DISP2: variants seen among roughly 807,000 people sequenced by gnomAD.
The protein encoded by DISP2 is dispatched RND transporter family member 2.
In DISP2, 59 loss-of-function variants were observed where a neutral mutation model predicts 95.5. The observed-to-expected ratio is 0.62, with a 90% CI of 0.50 to 0.77. The LOEUF is 0.77. DISP2 is among the 30% of genes least tolerant of loss of function. The pLI, the probability that DISP2 is intolerant of heterozygous loss-of-function variation, is 0.00. For synonymous variants in DISP2, 827 were observed against 815.0 expected (o/e 1.01, Z -0.25); for missense variants, 1,752 against 1,854.6 (o/e 0.94, Z 1.02).
At position 40,365,725 on chromosome 15, in the gene DISP2, G is replaced by A. The variant is rs1001526177; in HGVS notation, c.945G>A (p.Gln315=). The A allele has an allele frequency of 6.2e-7, 1 of 1,613,884 alleles. No homozygotes were observed. Among genetic ancestry groups the A allele is most frequent in the Non-Finnish European group, 8.5e-7 (1 of 1,180,004 alleles). The stretch of plus-strand genomic sequence containing the variant: ...CCATGTGTCGCATGGAACAGGACCA[G>A]GTGAGCTGGTGGGGGAGGTGCCAGG... ...IHSMCRMEQD[Q]IRSHTSFGAL... Residue 315 remains glutamine (Q), a splice_region_variant and synonymous_variant, in exon 7 of 8, where the codon CAG becomes CAA. Transcript: ENST00000267889.
intron 1 of DISP2, among the ~76,000 whole-genome samples, chr15:40,359,624 C>T (rs1268818506): frequency 6.6e-6 from 1 of 152,230 alleles, no homozygotes; most frequent in Non-Finnish European, 1.5e-5. Flanking sequence ...AGATATCTTG[C>T]CAAGGATCAG....
At chr15:40,362,452 C>G (rs1428335947) in intron 1 of DISP2, among the ~76,000 whole-genome samples, 1 of 152,250 alleles carries the variant, frequency 6.6e-6, no homozygotes, top group Non-Finnish European at 1.5e-5. Flanking sequence ...GCCTAGCACT[C>G]ATTCAACAAA....
At position 40,369,374 on chromosome 15, in the gene DISP2, C is replaced by G. The variant is rs1342848614; in HGVS notation, c.3262C>G (p.Leu1088Val). The G allele has an allele frequency of 6.2e-7, 1 of 1,613,486 alleles. No individual in the cohort carries two copies. Among genetic ancestry groups the G allele is most frequent in the East Asian group, 2.2e-5 (1 of 44,902 alleles). Residue 1088 changes from leucine (L) to valine (V), a missense_variant, in exon 8 of 8, where the codon CTG becomes GTG. By Grantham distance (32) the Leu-to-Val change is conservative (BLOSUM62 1). Coordinates refer to ENST00000267889, the MANE Select transcript of DISP2 (RefSeq NM_033510.3). ...LPATVLLYRK[L>V]GIILMMVKCV... Reference sequence around the variant, plus strand: ...TGCCACAGTGCTGCTCTATCGCAAGCTGGGCATCATCCTCATGATGGTCAA... The same window carrying G: ...TGCCACAGTGCTGCTCTATCGCAAGGTGGGCATCATCCTCATGATGGTCAA...
In DISP2 at chr15:40,373,067, A is replaced by C. The variant is rs906641164; in HGVS notation, c.*2749A>C. On this transcript the variant is annotated 3_prime_UTR_variant, in exon 8 of 8. Transcript: ENST00000267889. ...CCAACAGCAGGCAATCCACATCAGCAGGAAATCCAGCCTGCCTCTCTAGCC... is the reference window on the plus strand; with the variant it reads ...CCAACAGCAGGCAATCCACATCAGCCGGAAATCCAGCCTGCCTCTCTAGCC... The C allele has an allele frequency of 5.9e-5, 9 of 152,246 alleles. No individual in the cohort carries two copies. Among genetic ancestry groups the C allele is most frequent in the Admixed American group, 1.3e-4 (2 of 15,282 alleles). The allele number at this position is 152,246 out of a possible 1,614,324, so 9.4% of individuals were successfully genotyped here. A position where few individuals can be genotyped will look rare whatever the true frequency, so the allele number is the denominator to read the frequency against.
chr15:40,375,979 CA>C lies in DISP2; in HGVS notation c.*5662del, dbSNP rs1889727351. 6.6e-6 allele frequency: 1 copy of C among 152,136 alleles called. No individual in the cohort carries two copies. Among genetic ancestry groups the C allele is most frequent in the Admixed American group, 6.5e-5 (1 of 15,276 alleles). The allele number at this position is 152,136 out of a possible 1,614,324, so 9.4% of individuals were successfully genotyped here. On this transcript the variant is annotated 3_prime_UTR_variant, in exon 8 of 8. Transcript: ENST00000267889. ...CGCTGTAAAAAACAAATAAAAGGGC[CA>C]CTTGAGAATGCTCTGCTTGAGGAAG...
intron 7 of DISP2, among the ~76,000 whole-genome samples, chr15:40,366,370 T>C (rs1460075458): frequency 2.0e-5 from 3 of 152,226 alleles, no homozygotes; most frequent in Non-Finnish European, 2.9e-5. Context: ...AGGGATGTTG[T>C]GACAGTTAAA....
In DISP2 at chr15:40,363,537, C is replaced by T. The variant is rs1595724978; in HGVS notation, c.120-88C>T. On this transcript the variant is annotated intron_variant, in intron 1 of 7. Coordinates refer to ENST00000267889, the MANE Select transcript of DISP2 (RefSeq NM_033510.3). ...CAACCCTGAGTCCCTGTCCCCTTGT[C>T]TTGTCTTACTGAACTGAATAATGCT... The T allele has an allele frequency of 3.8e-5, 38 of 990,394 alleles. 1 individual carries two copies. In the South Asian group the frequency reaches 7.0e-4, roughly 18 times the overall value. The allele number at this position is 990,394 out of a possible 1,614,324, so 61.4% of individuals were successfully genotyped here.
At chr15:40,363,236 C>T (rs1251728911) in intron 1 of DISP2, among the ~76,000 whole-genome samples, 2 of 149,840 alleles carry the variant, frequency 1.3e-5, no homozygotes, top group African/African-American at 2.5e-5. Context: ...GGCTTGAACC[C>T]GGGAGGCGGA....
At chr15:40,364,148 C>T in intron 2 of DISP2, 78 bp from the exon 3 acceptor site, 1 of 1,602,054 alleles carries the variant, frequency 6.2e-7, no homozygotes, top group Non-Finnish European at 8.5e-7. Flanking sequence ...CTACCCACTC[C>T]CACCCCACCT....
chr15:40,371,298 G>T lies in DISP2; in HGVS notation c.*980G>T, dbSNP rs1474165325. On this transcript the variant is annotated 3_prime_UTR_variant, in exon 8 of 8. Transcript: ENST00000267889. Reference sequence around the variant, plus strand: ...ACCCTCCTCCAATCTGCTTTCTCTGGTGTCTCTGACTGAATCCAGCCACCC... The same window carrying T: ...ACCCTCCTCCAATCTGCTTTCTCTGTTGTCTCTGACTGAATCCAGCCACCC... 1 of 152,108 alleles carries T rather than the reference G, an allele frequency of 6.6e-6. No homozygotes were observed. The highest frequency in any genetic ancestry group is 1.5e-5 in the Non-Finnish European group (1 of 68,036). The allele number at this position is 152,108 out of a possible 1,614,324, so 9.4% of individuals were successfully genotyped here. A position where few individuals can be genotyped will look rare whatever the true frequency, so the allele number is the denominator to read the frequency against.
At position 40,370,206 on chromosome 15, in the gene DISP2, G is replaced by A; in HGVS notation, c.4094G>A (p.Gly1365Asp). The A allele has an allele frequency of 6.2e-7, 1 of 1,610,844 alleles. No homozygotes were observed. The highest frequency in any genetic ancestry group is 8.5e-7 in the Non-Finnish European group (1 of 1,178,802). ...ASHHSSLSWKGRGGPGDGSPV... is the reference protein window; with the variant it reads ...ASHHSSLSWKDRGGPGDGSPV... ...CATCACAGCAGCTTGTCCTGGAAGG[G>A]CCGAGGGGGGCCAGGGGATGGCAGC... The change falls in exon 8 of 8, where the codon GGC becomes GAC. Residue 1365 changes from glycine (G) to aspartate (D), a missense_variant. Around this residue, in one of 5 missense-constraint regions of DISP2, gnomAD observed 347 missense variants for 344.2 expected, o/e 1.01. Coordinates refer to ENST00000267889, the MANE Select transcript of DISP2 (RefSeq NM_033510.3).
Position 40,358,335 on chromosome 15 carries a change from G to A in DISP2, c.14G>A (p.Ser5Asn), listed in dbSNP as rs1234230204. The A allele has an allele frequency of 1.5e-6, 2 of 1,342,810 alleles. No homozygotes were observed. The highest frequency in any genetic ancestry group is 1.8e-5 in the South Asian group (1 of 56,256). 83.2% of individuals were successfully genotyped at this position (1,342,810 alleles called of 1,614,324 possible). Residue 5 changes from serine (S) to asparagine (N), a missense_variant, in exon 1 of 8, where the codon AGC (serine) becomes AAC (asparagine). Transcript: ENST00000267889. MDGD[S>N]SSSSGGSGPA... is the part of the protein sequence containing the mutation. ...CCGCCCACGGGCATGGACGGTGACAGCAGCAGCAGCAGCGGCGGCAGCGGT... is the reference window on the plus strand; with the variant it reads ...CCGCCCACGGGCATGGACGGTGACAACAGCAGCAGCAGCGGCGGCAGCGGT...
Position 40,375,524 on chromosome 15 carries a change from C to T in DISP2, c.*5206C>T, listed in dbSNP as rs1423591576. ...CTCAAATATCTCACCTTCCCCCACCCCTCAGTGGACAAAAAAAAAAAAAAA... is the reference window on the plus strand; with the variant it reads ...CTCAAATATCTCACCTTCCCCCACCTCTCAGTGGACAAAAAAAAAAAAAAA... On this transcript the variant is annotated 3_prime_UTR_variant, in exon 8 of 8. Transcript: ENST00000267889. The T allele has an allele frequency of 1.3e-5, 2 of 150,782 alleles. No individual in the cohort carries two copies. The highest frequency in any genetic ancestry group is 4.9e-5 in the African/African-American group (2 of 40,512). 9.3% of individuals were successfully genotyped at this position (150,782 alleles called of 1,614,324 possible).
At chr15:40,362,156 C>T (rs1176005809) in intron 1 of DISP2, among the ~76,000 whole-genome samples, 1 of 152,148 alleles carries the variant, frequency 6.6e-6, no homozygotes, top group Non-Finnish European at 1.5e-5. Context: ...GAGGGGGTGT[C>T]CCAACTCCCT....
chr15:40,358,807 T>A (rs369617954), intron 1 of DISP2, among the ~76,000 whole-genome samples: 10 of 152,348 alleles, frequency 6.6e-5, no homozygotes, highest in African/African-American at 2.2e-4. Context: ...AGTCCGGGTT[T>A]CAGCGTGCCA....
chr15:40,364,322 G>A lies in DISP2; in HGVS notation c.479+67G>A, dbSNP rs184320498. Reference sequence around the variant, plus strand: ...TGGTGCCCAGTTAGCCCTGTTCCCCGTGCTCTCTGCTCTATCTAGCACCCC... The same window carrying A: ...TGGTGCCCAGTTAGCCCTGTTCCCCATGCTCTCTGCTCTATCTAGCACCCC... On this transcript the variant is annotated intron_variant, in intron 3 of 7. Coordinates refer to ENST00000267889, the MANE Select transcript of DISP2 (RefSeq NM_033510.3). The A allele has an allele frequency of 1.8e-4, 292 of 1,613,750 alleles. 2 individuals are homozygous for A. The Admixed American group carries it at 3.0e-3, about 16-fold the overall frequency.
Position 40,369,852 on chromosome 15 carries a change from G to A in DISP2, c.3740G>A (p.Arg1247Gln), listed in dbSNP as rs767965295. The change falls in exon 8 of 8, where the codon CGG becomes CAG. Residue 1247 changes from arginine to glutamine, a missense_variant. Physicochemically the swap from Arg to Gln is conservative, Grantham distance 43. Coordinates refer to ENST00000267889, the MANE Select transcript of DISP2 (RefSeq NM_033510.3). ...CAGGCTGGCCCCAGCCCCAAAACCC[G>A]GGCCAGGCAGGACTCCCAAGGGGAG... ...YKQAGPSPKTRARQDSQGEEA... is the reference protein window; with the variant it reads ...YKQAGPSPKTQARQDSQGEEA... 26 of 1,569,228 alleles carry A rather than the reference G, an allele frequency of 1.7e-5. No homozygotes were observed. The highest frequency in any genetic ancestry group is 6.8e-5 in the East Asian group (3 of 44,360).
At chr15:40,358,709 C>CT in intron 1 of DISP2, among the ~76,000 whole-genome samples, 1 of 152,268 alleles carries the variant, frequency 6.6e-6, no homozygotes, top group East Asian at 1.9e-4. Flanking sequence ...CCCCTCCTCT[C>CT]AGGCCAGGAC....
chr15:40,360,182 G>C (rs1162189526), intron 1 of DISP2, among the ~76,000 whole-genome samples: 2 of 152,162 alleles, frequency 1.3e-5, no homozygotes, highest in Admixed American at 6.5e-5. Flanking sequence ...CTCACTTGGC[G>C]TACAGGCCTG....
Sources: gnomAD v4.1 joint callset for allele counts (sites outside exome capture counted in the v4.1 genomes callset) on GRCh38, gnomAD v4.1.1 for gene constraint, gnomAD v4.1.1 regional missense constraint, MANE v1.5 for transcripts, NCBI Gene and HGNC (gene_info 2026-07-23, HGNC 2026-07-21) for gene names.